Variants in BBS9 observed in about 807,000 individuals in gnomAD.
The protein encoded by BBS9 is Bardet-Biedl syndrome 9.
In BBS9, 89 loss-of-function variants were observed where a neutral mutation model predicts 117.7. The ratio of observed to expected loss-of-function variants is 0.76; its 90% CI spans 0.64 to 0.90. The LOEUF (loss-of-function observed/expected upper bound fraction) is 0.90, where lower values mean the gene tolerates loss of function less well. Among genes scored for constraint, BBS9 ranks in the 40% least tolerant of loss-of-function variants. BBS9 has a pLI of 0.00. For synonymous variants in BBS9, 379 were observed against 370.9 expected, an observed-to-expected ratio of 1.02 and a Z score of -0.25; for missense variants, 982 against 1,042.2, an observed-to-expected ratio of 0.94 and a Z score of 0.80.
At chr7:33,417,107 T>C (rs1405034180) in intron 19 of BBS9, among the ~76,000 whole-genome samples, 3 of 152,180 alleles carry the variant, frequency 2.0e-5, no homozygotes, top group African/African-American at 4.8e-5. Flanking sequence ...GTTTTAACAA[T>C]AGTTGTTAGA....
chr7:33,383,983 A>G, intron 18 of BBS9, 145 bp downstream of exon 18: 2 of 858,082 alleles, frequency 2.3e-6, no homozygotes, highest in Non-Finnish European at 3.5e-6. Context: ...TCGTGAATCC[A>G]TTCCTGCCCA....
At chr7:33,163,671 G>T (rs574568046) in intron 4 of BBS9, among the ~76,000 whole-genome samples, 2 of 152,194 alleles carry the variant, frequency 1.3e-5, no homozygotes, top group East Asian at 3.9e-4. Context: ...GAGATCAGTG[G>T]TGATATCCCC....
At chr7:33,169,778 G>T (rs1275703180) in intron 4 of BBS9, among the ~76,000 whole-genome samples, 2 of 151,472 alleles carry the variant, frequency 1.3e-5, no homozygotes, top group Non-Finnish European at 3.0e-5. Flanking sequence ...TCACTCTGAT[G>T]GTAGTTTCTT....
At chr7:33,183,142 T>C (rs1051139966) in intron 5 of BBS9, among the ~76,000 whole-genome samples, 3 of 152,062 alleles carry the variant, frequency 2.0e-5, no homozygotes, top group Admixed American at 2.0e-4. Flanking sequence ...AAGTAAAAAA[T>C]GTGAGAGGGA....
At chr7:33,300,431 A>T (rs914300915) in intron 9 of BBS9, among the ~76,000 whole-genome samples, 5 of 152,210 alleles carry the variant, frequency 3.3e-5, no homozygotes, top group African/African-American at 4.8e-5. Flanking sequence ...ATGTCAAAGC[A>T]TCGGTGAGCC....
At chr7:33,497,237 C>T (rs1844852195) in intron 19 of BBS9, among the ~76,000 whole-genome samples, 2 of 152,148 alleles carry the variant, frequency 1.3e-5, no homozygotes. Flanking sequence ...TCTGTTGTTT[C>T]CATGTGACAT....
intron 21 of BBS9, among the ~76,000 whole-genome samples, chr7:33,574,684 A>AACACAC (rs371229936): frequency 0.1 from 13,862 of 137,256 alleles, 872 homozygotes; most frequent in Admixed American, 0.15. Flanking sequence ...AGTCATAGAA[A>AACACAC]ACACACACAC....
intron 21 of BBS9, among the ~76,000 whole-genome samples, chr7:33,586,753 A>G (rs1171392275): frequency 6.6e-6 from 1 of 152,106 alleles, no homozygotes; most frequent in Non-Finnish European, 1.5e-5. Flanking sequence ...TTGAAGCAAC[A>G]TGGATACAGC....
intron 5 of BBS9, among the ~76,000 whole-genome samples, chr7:33,226,432 C>T (rs1287846845): frequency 6.6e-6 from 1 of 152,112 alleles, no homozygotes; most frequent in Non-Finnish European, 1.5e-5. Context: ...AACTCTTCTA[C>T]TTTCAATGTT....
chr7:33,403,007 G>A (rs955550934), intron 19 of BBS9, among the ~76,000 whole-genome samples: 3 of 144,770 alleles, frequency 2.1e-5, no homozygotes, highest in East Asian at 1.9e-4. Flanking sequence ...CCATGTTGCT[G>A]CAAAGATATG....
intron 19 of BBS9, among the ~76,000 whole-genome samples, chr7:33,501,200 G>T (rs1212953968): frequency 6.6e-6 from 1 of 152,196 alleles, no homozygotes; most frequent in East Asian, 1.9e-4. Context: ...TGGTCTCAGA[G>T]ATCTGAATCT....
chr7:33,621,419 G>A (rs60042859), intron 21 of BBS9, among the ~76,000 whole-genome samples: 2,208 of 152,164 alleles, frequency 0.015, 51 homozygotes, highest in African/African-American at 0.051. Flanking sequence ...ACATACAGAT[G>A]GCCAACAGGT....
At position 33,357,861 on chromosome 7, in the gene BBS9, C is replaced by A; in HGVS notation, c.1559C>A (p.Pro520Gln). 1 of 1,611,558 alleles carries A rather than the reference C, an allele frequency of 6.2e-7. No individual in the cohort carries two copies. Among genetic ancestry groups the A allele is most frequent in the South Asian group, 1.1e-5 (1 of 91,018 alleles). Residue 520 changes from proline to glutamine, a missense_variant, in exon 16 of 23, where the codon CCG becomes CAG. Physicochemically the swap from Pro to Gln is moderately conservative, Grantham distance 76. Transcript: ENST00000242067. ...TATCTCTCTTTTATTTTAGGCATTC[C>A]GCGAGTTATCCAATGTAAATTTAGA... ...RPTDRNPDGI[P>Q]RVIQCKFRLP...
intron 16 of BBS9, among the ~76,000 whole-genome samples, chr7:33,359,988 T>C (rs1458197627): frequency 6.6e-6 from 1 of 152,096 alleles, no homozygotes; most frequent in African/African-American, 2.4e-5. Context: ...TAAATATTTT[T>C]TCTAAGCATT....
intron 9 of BBS9, among the ~76,000 whole-genome samples, chr7:33,329,856 A>C (rs935425542): frequency 1.3e-5 from 2 of 152,040 alleles, no homozygotes; most frequent in Non-Finnish European, 2.9e-5. Context: ...TAAAATGTAC[A>C]TTTTTTGATT....
At chr7:33,251,841 G>A (rs770500114) in intron 5 of BBS9, among the ~76,000 whole-genome samples, 18 of 152,198 alleles carry the variant, frequency 1.2e-4, no homozygotes, top group African/African-American at 4.8e-5. Context: ...TGGCTTTAGA[G>A]GCAGCCACTT....
intron 17 of BBS9, among the ~76,000 whole-genome samples, chr7:33,378,115 T>C (rs58365873): frequency 0.12 from 17,875 of 152,200 alleles, 1,142 homozygotes; most frequent in African/African-American, 0.17. Context: ...ACCTTCTCAA[T>C]GTGGCCTTTC....
intron 9 of BBS9, among the ~76,000 whole-genome samples, chr7:33,299,169 C>T (rs940729327): frequency 1.7e-4 from 26 of 152,114 alleles, no homozygotes; most frequent in African/African-American, 4.8e-4. Context: ...TCTTTTTATT[C>T]ACAATTGCAT....
rs546127209 is a variant in BBS9 at position 33,524,385 on chromosome 7, C to G, written c.2299-9569C>G. The stretch of plus-strand genomic sequence containing the variant: ...CTGTGAATCCATCTGGTCCTGGACT[C>G]TTTTTGGTTGGTAAACTATTGATTA... On this transcript the variant is annotated intron_variant, in intron 20 of 22. Coordinates refer to ENST00000242067, the MANE Select transcript of BBS9 (RefSeq NM_198428.3). Among the ~76,000 whole-genome samples the G allele has an allele frequency of 5.9e-5, 9 of 152,200 alleles. No homozygotes were observed. In the South Asian group the frequency reaches 1.9e-3, roughly 32 times the overall value.
Sources: allele counts gnomAD v4.1 joint callset (sites outside exome capture counted in the v4.1 genomes callset), GRCh38; gene constraint gnomAD v4.1.1; transcripts MANE v1.5; gene names NCBI Gene and HGNC (gene_info 2026-07-23, HGNC 2026-07-21).